The following NBPF9 variants were observed in gnomAD, a reference collection of about 807,000 sequenced individuals.
NBPF9 encodes the protein NBPF family member NBPF9.
Under a neutral mutation model 97.8 loss-of-function variants are expected in NBPF9, and 91 were observed. The observed-to-expected ratio is 0.93, with a 90% CI of 0.79 to 1.11. NBPF9 has a LOEUF of 1.11. Ranked by LOEUF, NBPF9 falls within the 50% of genes least tolerant of loss-of-function variation. The pLI, the probability that NBPF9 is intolerant of heterozygous loss-of-function variation, is 0.00. For synonymous variants in NBPF9, 334 were observed against 359.5 expected (o/e 0.93, Z 0.80); for missense variants, 992 against 939.5 (o/e 1.06, Z -0.73).
chr1:149,062,952 G>T (rs1170360772), intron 20 of NBPF9, 39 bp from the exon 21 acceptor site: 270,141 of 771,328 alleles, frequency 0.35, 50,124 homozygotes, highest in Admixed American at 0.4. Flanking sequence ...TATTAAGCTG[G>T]TTCTCCTACA....
rs878942569 is a variant in NBPF9, at chr1:149,081,345, G to C, written c.175+620C>G. Among the ~76,000 whole-genome samples, 75 of 149,326 alleles carry C rather than the reference G, an allele frequency of 5.0e-4. No homozygotes were observed. In the Middle Eastern group the frequency reaches 0.014, roughly 28 times the overall value. On this transcript the variant is annotated intron_variant, in intron 7 of 29. Transcript: ENST00000584027. Reference sequence around the variant, plus strand: ...ATGTTGCCCAGGCTAGTCTCAAACTGCTGACCTCGTGCTCTGCCCGCCTCA... The same window carrying C: ...ATGTTGCCCAGGCTAGTCTCAAACTCCTGACCTCGTGCTCTGCCCGCCTCA...
chr1:149,097,328 C>T (rs1346055349), intron 4 of NBPF9, among the ~76,000 whole-genome samples: 12 of 152,200 alleles, frequency 7.9e-5, no homozygotes, highest in African/African-American at 2.9e-4. Context: ...AAACTATATA[C>T]TGTTTCCATG....
chr1:149,077,587 C>T (rs78027638), intron 10 of NBPF9, among the ~76,000 whole-genome samples, 168 bp from the exon 11 acceptor site: 1 of 152,194 alleles, frequency 6.6e-6, no homozygotes, highest in African/African-American at 2.4e-5. Flanking sequence ...CTGCAACAGA[C>T]CATGGCTGCC....
chr1:149,084,576 G>A (rs9441128), intron 5 of NBPF9, among the ~76,000 whole-genome samples: 2 of 150,412 alleles, frequency 1.3e-5, no homozygotes, highest in Non-Finnish European at 3.0e-5. Context: ...AGCGACCAGA[G>A]GAGCCCCTGC....
chr1:149,055,591 C>G, exon 30 of NBPF9: 1 of 1,572,276 alleles, frequency 6.4e-7, no homozygotes, highest in South Asian at 1.2e-5. Context: ...TACTTTCATT[C>G]AAAACTTCAC....
intron 14 of NBPF9, among the ~76,000 whole-genome samples, chr1:149,072,221 G>T (rs4124925): frequency 6.6e-6 from 1 of 151,542 alleles, no homozygotes; most frequent in African/African-American, 2.4e-5. Flanking sequence ...ATCACACGGC[G>T]AGGGCCTTCA....
chr1:149,063,612 C>T (rs1320945806), intron 20 of NBPF9, 21 bp downstream of exon 20: 5 of 607,534 alleles, frequency 8.2e-6, no homozygotes, highest in South Asian at 7.9e-5. Flanking sequence ...ATCCTTATCA[C>T]CTTCATAGAA....
At position 149,055,918 on chromosome 1, in the gene NBPF9, C is replaced by A. The variant is rs781869849; in HGVS notation, c.3093-19G>T. ...GTTGAGCCTGGAAAAGGAGACAAAA[C>A]TAAAGAAGCAGCCAGGGAAAATCAG... On this transcript the variant is annotated intron_variant, in intron 29 of 29. Coordinates refer to ENST00000584027, the Ensembl canonical transcript of NBPF9. The A allele has an allele frequency of 3.4e-5, 55 of 1,611,436 alleles. No homozygotes were observed. The highest frequency in any genetic ancestry group is 2.4e-5 in the Non-Finnish European group (28 of 1,179,790).
In NBPF9 at chr1:149,075,613, C is replaced by T. The variant is rs587719630; in HGVS notation, c.988+42G>A. 4.2e-5 allele frequency: 65 copies of T among 1,531,638 alleles called. No individual in the cohort carries two copies. In the Admixed American group the frequency reaches 7.4e-4, roughly 17 times the overall value. The allele number at this position is 1,531,638 out of a possible 1,614,324, so 94.9% of individuals were successfully genotyped here. On this transcript the variant is annotated intron_variant, in intron 12 of 29. Transcript: ENST00000584027. ...TTAGTTCCTCAGAGAGAAGACAGGA[C>T]GTCGTTCATCACTTTCGTGATGGTG...
chr1:149,082,318 C>G (rs781952650), exon 6 of NBPF9: 70,128 of 1,546,012 alleles, frequency 0.045, 2,128 homozygotes, highest in Non-Finnish European at 0.051. Context: ...CTTTAGGATC[C>G]TTCACCACAA....
intron 3 of NBPF9, among the ~76,000 whole-genome samples, chr1:149,100,925 C>T (rs184183336): frequency 0.12 from 17,453 of 148,362 alleles, 522 homozygotes; most frequent in Admixed American, 0.18. Flanking sequence ...TAGAGTGAGG[C>T]CCTGTCTGAA....
intron 4 of NBPF9, among the ~76,000 whole-genome samples, chr1:149,096,976 T>G (rs1423438451): frequency 1.5e-5 from 2 of 135,430 alleles, no homozygotes; most frequent in Admixed American, 7.6e-5. Context: ...TTTAAAAAAG[T>G]AGAACAAAAA....
intron 17 of NBPF9, chr1:149,066,008 A>G (rs2079020464): frequency 2.0e-6 from 1 of 512,414 alleles, no homozygotes; most frequent in Admixed American, 3.3e-5. Context: ...TACTTTGCAT[A>G]AATTGGGTTG....
intron 4 of NBPF9, among the ~76,000 whole-genome samples, chr1:149,098,113 T>C (rs694430): frequency 1.4e-4 from 19 of 133,804 alleles, no homozygotes; most frequent in East Asian, 4.7e-4. Context: ...AAACAAGAGA[T>C]GGAAATGGGG....
exon 1 of NBPF9, chr1:149,103,339 T>C (rs2082277752): frequency 6.6e-6 from 1 of 151,958 alleles, no homozygotes; most frequent in African/African-American, 2.4e-5. Flanking sequence ...AAACCGTAAC[T>C]TCCCATCCAG....
At chr1:149,076,356 C>T (rs1240877451) in intron 11 of NBPF9, among the ~76,000 whole-genome samples, 9 of 151,000 alleles carry the variant, frequency 6.0e-5, no homozygotes, top group South Asian at 2.1e-4. Flanking sequence ...AAGTAACATG[C>T]CAGCTAATTT....
chr1:149,098,689 G>C lies in NBPF9; in HGVS notation c.-588C>G. ...GGAACCTTCGCCTGCATCTAAACAG[G>C]ATTTGCTTTCAGATTGCCTATGAGA... On this transcript the variant is annotated 5_prime_UTR_variant, in exon 4 of 30. The change creates a new upstream start codon in the 5' untranslated region. Transcript: ENST00000584027. The C allele has an allele frequency of 2.9e-6, 2 of 700,570 alleles. No homozygotes were observed. The highest frequency in any genetic ancestry group is 1.3e-4 in the South Asian group (2 of 14,896). 43.4% of individuals were successfully genotyped at this position (700,570 alleles called of 1,614,324 possible). A position where few individuals can be genotyped will look rare whatever the true frequency, so the allele number is the denominator to read the frequency against.
At chr1:149,079,659 AG>A (rs1262287442) in intron 8 of NBPF9, among the ~76,000 whole-genome samples, 1 of 150,960 alleles carries the variant, frequency 6.6e-6, no homozygotes, top group Non-Finnish European at 1.5e-5. Context: ...GACAGGGTCG[AG>A]AAGGCAACAT....
intron 12 of NBPF9, among the ~76,000 whole-genome samples, chr1:149,075,359 C>G (rs1553654024): frequency 6.6e-6 from 1 of 152,224 alleles, no homozygotes; most frequent in African/African-American, 2.4e-5. Flanking sequence ...AGAGAGGATT[C>G]TTGAAAACAC....
Sources: gnomAD v4.1 joint callset for allele counts (sites outside exome capture counted in the v4.1 genomes callset) on GRCh38, gnomAD v4.1.1 for gene constraint, MANE v1.5 for transcripts, NCBI Gene and HGNC (gene_info 2026-07-23, HGNC 2026-07-21) for gene names.